Variants in RALGAPA2 observed in about 807,000 individuals in gnomAD.
RALGAPA2 encodes ral GTPase-activating protein subunit alpha-2.
In RALGAPA2, 139 loss-of-function variants were observed where a neutral mutation model predicts 230.4. That is an observed-to-expected ratio of 0.60 (90% CI 0.53 to 0.69). RALGAPA2 has a LOEUF of 0.69. Ranked by LOEUF, RALGAPA2 falls within the 30% of genes least tolerant of loss-of-function variation. RALGAPA2 has a pLI of 0.00. For synonymous variants in RALGAPA2, 847 were observed against 837.8 expected, an observed-to-expected ratio of 1.01 and a Z score of -0.19; for missense variants, 2,163 against 2,276.0, an observed-to-expected ratio of 0.95 and a Z score of 1.01.
chr20:20,487,912 GAAA>G (rs79112449), intron 36 of RALGAPA2, among the ~76,000 whole-genome samples: 1 of 109,782 alleles, frequency 9.1e-6, no homozygotes, highest in Admixed American at 9.7e-5. Context: ...ACTCGGTCTC[GAAA>G]AAAAAAAAAA....
intron 26 of RALGAPA2, among the ~76,000 whole-genome samples, chr20:20,533,962 A>G (rs2063433008): frequency 6.6e-6 from 1 of 152,214 alleles, no homozygotes; most frequent in African/African-American, 2.4e-5. Context: ...GGAAGGATAG[A>G]AAAGAGCAGA....
intron 4 of RALGAPA2, among the ~76,000 whole-genome samples, chr20:20,645,246 C>T (rs1016813268): frequency 2.0e-5 from 3 of 151,046 alleles, no homozygotes; most frequent in African/African-American, 2.4e-5. Context: ...TCCTGAGTAG[C>T]TGGGATTATA....
At chr20:20,520,227 T>G (rs2062995973) in intron 31 of RALGAPA2, among the ~76,000 whole-genome samples, 1 of 152,138 alleles carries the variant, frequency 6.6e-6, no homozygotes, top group Admixed American at 6.5e-5. Context: ...TTCACCAGTT[T>G]TACATGCATG....
intron 33 of RALGAPA2, among the ~76,000 whole-genome samples, chr20:20,509,812 T>C (rs1466211149): frequency 6.6e-6 from 1 of 152,202 alleles, no homozygotes. Context: ...AAACAATACA[T>C]AGCTGTGAGT....
chr20:20,641,763 C>T (rs1007448781), intron 5 of RALGAPA2, among the ~76,000 whole-genome samples: 11 of 151,978 alleles, frequency 7.2e-5, no homozygotes, highest in African/African-American at 2.4e-4. Flanking sequence ...TGCCTCATCT[C>T]CTTTCAATTA....
intron 24 of RALGAPA2, among the ~76,000 whole-genome samples, chr20:20,545,183 C>T (rs761546033): frequency 6.6e-6 from 1 of 151,860 alleles, no homozygotes; most frequent in African/African-American, 2.4e-5. Context: ...TAATTATTTA[C>T]GATAAAGCCA....
intron 13 of RALGAPA2, among the ~76,000 whole-genome samples, chr20:20,614,282 T>TA (rs1440536048): frequency 3.9e-5 from 6 of 152,110 alleles, no homozygotes; most frequent in Admixed American, 6.5e-5. Flanking sequence ...TATGAATTAG[T>TA]AAAAAACAGA....
intron 9 of RALGAPA2, among the ~76,000 whole-genome samples, chr20:20,630,990 A>G (rs570320563): frequency 6.6e-6 from 1 of 152,318 alleles, no homozygotes; most frequent in African/African-American, 2.4e-5. Context: ...CTCCTTCCAC[A>G]GAGACGTGAG....
intron 36 of RALGAPA2, among the ~76,000 whole-genome samples, chr20:20,476,625 G>A (rs965226973): frequency 5.3e-5 from 8 of 150,694 alleles, no homozygotes; most frequent in Non-Finnish European, 7.4e-5. Flanking sequence ...AAATTGCCAC[G>A]ACCTTAGGAT....
Position 20,520,907 on chromosome 20 carries a change from G to C in RALGAPA2, c.4084+10C>G. 1 of 1,566,808 alleles carries C rather than the reference G, an allele frequency of 6.4e-7. No individual in the cohort carries two copies. Among genetic ancestry groups the C allele is most frequent in the Non-Finnish European group, 8.7e-7 (1 of 1,146,566 alleles). On this transcript the variant is annotated intron_variant, in intron 31 of 39. Coordinates refer to ENST00000202677, the MANE Select transcript of RALGAPA2 (RefSeq NM_020343.4). ...TTCCCACAAGATTTCATACCTGAAA[G>C]AATACTCACCCTCTTCAACAGTCAG... is the stretch of plus-strand genomic sequence containing the variant.
intron 23 of RALGAPA2, among the ~76,000 whole-genome samples, chr20:20,568,774 C>T (rs1310195653): frequency 1.3e-5 from 2 of 152,202 alleles, no homozygotes; most frequent in Non-Finnish European, 2.9e-5. Context: ...AAAGCTGCGT[C>T]GTGCAGACAA....
intron 1 of RALGAPA2, among the ~76,000 whole-genome samples, chr20:20,705,364 C>A (rs959952893): frequency 6.6e-6 from 1 of 151,150 alleles, no homozygotes; most frequent in Non-Finnish European, 1.5e-5. Context: ...TGCAACCATA[C>A]CCAGCTAATT....
At chr20:20,542,574 G>A (rs546249099) in intron 24 of RALGAPA2, among the ~76,000 whole-genome samples, 1 of 152,162 alleles carries the variant, frequency 6.6e-6, no homozygotes, top group Non-Finnish European at 1.5e-5. Context: ...ATAGACCAAT[G>A]GAACAAAACA....
chr20:20,440,458 C>G (rs889482616), intron 37 of RALGAPA2, among the ~76,000 whole-genome samples: 10 of 152,284 alleles, frequency 6.6e-5, no homozygotes, highest in African/African-American at 1.9e-4. Context: ...TTGTACAATA[C>G]AGAAACAGGT....
At chr20:20,434,048 T>C (rs2060555214) in intron 37 of RALGAPA2, among the ~76,000 whole-genome samples, 1 of 152,194 alleles carries the variant, frequency 6.6e-6, no homozygotes. Context: ...GGTGGTGATG[T>C]ACTGGGAAGT....
chr20:20,605,923 T>C (rs954806382), intron 14 of RALGAPA2, among the ~76,000 whole-genome samples: 3 of 152,234 alleles, frequency 2.0e-5, no homozygotes, highest in Admixed American at 1.3e-4. Context: ...CCTCCACCTG[T>C]GGGCTGAACT....
chr20:20,681,374 T>A (rs1396137858), intron 1 of RALGAPA2, among the ~76,000 whole-genome samples: 1 of 152,172 alleles, frequency 6.6e-6, no homozygotes, highest in Non-Finnish European at 1.5e-5. Context: ...CACTGTAGGA[T>A]CTACCATGTG....
intron 2 of RALGAPA2, among the ~76,000 whole-genome samples, chr20:20,678,272 G>A (rs552281150): frequency 2.6e-5 from 4 of 151,962 alleles, no homozygotes; most frequent in South Asian, 4.2e-4. Flanking sequence ...CACTCCAATC[G>A]AACACAGATT....
At chr20:20,516,940 C>T (rs1477997630) in intron 31 of RALGAPA2, among the ~76,000 whole-genome samples, 1 of 152,214 alleles carries the variant, frequency 6.6e-6, no homozygotes, top group Non-Finnish European at 1.5e-5. Flanking sequence ...GCAGCAGACA[C>T]AATTGCAGTG....
Sources: gnomAD v4.1 joint callset for allele counts (sites outside exome capture counted in the v4.1 genomes callset) on GRCh38, gnomAD v4.1.1 for gene constraint, MANE v1.5 for transcripts, NCBI Gene and HGNC (gene_info 2026-07-23, HGNC 2026-07-21) for gene names.